The following CIMIP2C variants were observed in gnomAD, a reference collection of about 807,000 sequenced individuals.
The protein encoded by CIMIP2C is UPF0573 protein C2orf70.
chr2:26,562,947 G>T, the CIMIP2C span: 1 of 513,064 alleles, frequency 1.9e-6, no homozygotes, highest in Non-Finnish European at 3.4e-6. Context: ...GGGCATAAGG[G>T]ACCTCGCATG....
the CIMIP2C span, among the ~76,000 whole-genome samples, chr2:26,570,565 C>T: frequency 6.6e-6 from 1 of 152,140 alleles, no homozygotes; most frequent in Non-Finnish European, 1.5e-5. Flanking sequence ...GGTGTGCAGT[C>T]AGGGGAGGTA....
At chr2:26,573,768 G>C in the CIMIP2C span, among the ~76,000 whole-genome samples, 1 of 152,228 alleles carries the variant, frequency 6.6e-6, no homozygotes, top group African/African-American at 2.4e-5. Flanking sequence ...CCAGGGATGT[G>C]AGTAGTGAGG....
the CIMIP2C span, among the ~76,000 whole-genome samples, chr2:26,566,578 G>C: frequency 6.6e-6 from 1 of 152,238 alleles, no homozygotes; most frequent in Non-Finnish European, 1.5e-5. Flanking sequence ...GAGTTGGGGA[G>C]GGATGGATGC....
the CIMIP2C span, among the ~76,000 whole-genome samples, chr2:26,564,915 G>A: frequency 6.6e-6 from 1 of 152,198 alleles, no homozygotes; most frequent in African/African-American, 2.4e-5. Context: ...TTGAAGTGCT[G>A]GGCTGGAGCC....
At chr2:26,568,725 T>A in the CIMIP2C span, among the ~76,000 whole-genome samples, 1 of 151,968 alleles carries the variant, frequency 6.6e-6, no homozygotes, top group African/African-American at 2.4e-5. Flanking sequence ...CAGATTATTG[T>A]GATATGAAAG....
chr2:26,567,335 G>C, the CIMIP2C span, among the ~76,000 whole-genome samples: 1 of 152,186 alleles, frequency 6.6e-6, no homozygotes, highest in Non-Finnish European at 1.5e-5. Context: ...CTCCCCATTT[G>C]TTGGGCACCC....
chr2:26,563,985 CTT>C, the CIMIP2C span, among the ~76,000 whole-genome samples: 1 of 152,296 alleles, frequency 6.6e-6, no homozygotes, highest in East Asian at 1.9e-4. Context: ...AGCCAGGTGA[CTT>C]AGGATTTGCC....
the CIMIP2C span, among the ~76,000 whole-genome samples, chr2:26,572,625 T>G: frequency 1.3e-5 from 2 of 152,168 alleles, no homozygotes; most frequent in Non-Finnish European, 2.9e-5. Flanking sequence ...TCTCTTCCAT[T>G]CCCTACATTC....
At chr2:26,578,045 C>G in the CIMIP2C span, 1 of 173,726 alleles carries the variant, frequency 5.8e-6, no homozygotes, top group East Asian at 1.7e-4. Flanking sequence ...GGAATCTCCC[C>G]CGGTCCCGTT....
At chr2:26,576,125 C>G in the CIMIP2C span, 7 of 1,614,056 alleles carry the variant, frequency 4.3e-6, no homozygotes, top group East Asian at 1.3e-4. Flanking sequence ...CAGCTACACT[C>G]GCTTCAACCT....
chr2:26,569,174 A>C, the CIMIP2C span, among the ~76,000 whole-genome samples: 2 of 152,106 alleles, frequency 1.3e-5, no homozygotes, highest in African/African-American at 2.4e-5. Context: ...TGGGCCTCAA[A>C]GGATGGGTAA....
At chr2:26,566,447 T>C in the CIMIP2C span, among the ~76,000 whole-genome samples, 2 of 152,232 alleles carry the variant, frequency 1.3e-5, no homozygotes, top group Admixed American at 1.3e-4. Context: ...TACTGACAAA[T>C]GTTTAACAAC....
chr2:26,576,041 A>C, the CIMIP2C span: 1 of 1,614,028 alleles, frequency 6.2e-7, no homozygotes. Context: ...CCATTTCCCC[A>C]CCATCTTCTC....
chr2:26,577,029 C>T, the CIMIP2C span, among the ~76,000 whole-genome samples: 1 of 152,194 alleles, frequency 6.6e-6, no homozygotes, highest in Non-Finnish European at 1.5e-5. Context: ...GCAGCTTCCT[C>T]GGGAGAGGAG....
chr2:26,576,571 AAC>A, the CIMIP2C span, among the ~76,000 whole-genome samples: 4 of 152,160 alleles, frequency 2.6e-5, no homozygotes, highest in African/African-American at 9.7e-5. Flanking sequence ...CCAGATGAAT[AAC>A]ACACGAGCAA....
the CIMIP2C span, among the ~76,000 whole-genome samples, chr2:26,570,964 A>C: frequency 6.6e-5 from 10 of 152,220 alleles, no homozygotes; most frequent in Non-Finnish European, 1.3e-4. Flanking sequence ...AGGGTGATGG[A>C]GAAGCCATCA....
the CIMIP2C span, chr2:26,562,794 G>T: frequency 1.5e-4 from 150 of 980,112 alleles, no homozygotes; most frequent in Non-Finnish European, 2.2e-4. Context: ...GAACCCCGAG[G>T]AGCCAATTTT....
At chr2:26,566,310 G>A in the CIMIP2C span, among the ~76,000 whole-genome samples, 7 of 152,164 alleles carry the variant, frequency 4.6e-5, no homozygotes, top group African/African-American at 1.2e-4. Context: ...GCTGGACCTC[G>A]GAGACTTCAG....
At chr2:26,570,379 C>T in the CIMIP2C span, among the ~76,000 whole-genome samples, 1 of 152,222 alleles carries the variant, frequency 6.6e-6, no homozygotes. Context: ...GGCATGGTGC[C>T]CCCAGAGTTT....
Sources: gnomAD v4.1 joint callset for allele counts (sites outside exome capture counted in the v4.1 genomes callset) on GRCh38, gnomAD v4.1.1 for gene constraint, MANE v1.5 for transcripts, NCBI Gene and HGNC (gene_info 2026-07-23, HGNC 2026-07-21) for gene names.